SPMIP7: variants seen among roughly 807,000 people sequenced by gnomAD.
SPMIP7 encodes protein SPMIP7.
chr7:50,131,718 G>A, the SPMIP7 span, among the ~76,000 whole-genome samples: 3 of 152,160 alleles, frequency 2.0e-5, no homozygotes, highest in East Asian at 5.8e-4. Flanking sequence ...GAAGAGTAGT[G>A]ATTGCCTATT....
At chr7:50,126,359 T>C in the SPMIP7 span, among the ~76,000 whole-genome samples, 1 of 150,556 alleles carries the variant, frequency 6.6e-6, no homozygotes, top group African/African-American at 2.4e-5. Context: ...AAATAGAATA[T>C]GATAAATGCA....
chr7:50,097,280 G>A, the SPMIP7 span, among the ~76,000 whole-genome samples: 1 of 152,200 alleles, frequency 6.6e-6, no homozygotes, highest in Non-Finnish European at 1.5e-5. Flanking sequence ...TGTCTGGCAG[G>A]CAGGAATGTA....
chr7:50,127,674 T>C, the SPMIP7 span, among the ~76,000 whole-genome samples: 1 of 150,284 alleles, frequency 6.7e-6, no homozygotes, highest in African/African-American at 2.4e-5. Context: ...TAGACATTTT[T>C]CAGAATAAGA....
At chr7:50,105,952 G>A in the SPMIP7 span, among the ~76,000 whole-genome samples, 1 of 152,238 alleles carries the variant, frequency 6.6e-6, no homozygotes, top group South Asian at 2.1e-4. Flanking sequence ...CAAATTTATG[G>A]CAAGATTCCA....
At chr7:50,130,325 G>A in the SPMIP7 span, among the ~76,000 whole-genome samples, 1 of 152,098 alleles carries the variant, frequency 6.6e-6, no homozygotes, top group Non-Finnish European at 1.5e-5. Context: ...CATGGCAGAA[G>A]GCAAGGAGGA....
the SPMIP7 span, among the ~76,000 whole-genome samples, chr7:50,137,670 G>T: frequency 6.6e-6 from 1 of 151,932 alleles, no homozygotes; most frequent in Non-Finnish European, 1.5e-5. Flanking sequence ...CACAGCCAGT[G>T]TTTAGAATTT....
chr7:50,141,214 T>C, the SPMIP7 span: 1 of 1,048,316 alleles, frequency 9.5e-7, no homozygotes, highest in Non-Finnish European at 1.4e-6. Flanking sequence ...GTTAGAATAC[T>C]GTTCAATGGT....
the SPMIP7 span, among the ~76,000 whole-genome samples, chr7:50,135,600 A>C: frequency 2.0e-5 from 3 of 152,214 alleles, no homozygotes; most frequent in South Asian, 4.1e-4. Flanking sequence ...AAGGATCTCT[A>C]AACTACTTTA....
the SPMIP7 span, among the ~76,000 whole-genome samples, chr7:50,100,591 T>A: frequency 1.3e-5 from 2 of 152,052 alleles, no homozygotes; most frequent in Admixed American, 1.3e-4. Flanking sequence ...GGCAGGTGGA[T>A]CATGAGGTCA....
chr7:50,149,357 A>G, the SPMIP7 span, among the ~76,000 whole-genome samples: 1 of 152,184 alleles, frequency 6.6e-6, no homozygotes, highest in African/African-American at 2.4e-5. Flanking sequence ...TTAGTTTAGC[A>G]TCTATTAAGT....
chr7:50,144,220 A>G, the SPMIP7 span, among the ~76,000 whole-genome samples: 1 of 152,198 alleles, frequency 6.6e-6, no homozygotes, highest in Non-Finnish European at 1.5e-5. Flanking sequence ...CTTTTTTCCA[A>G]AAGTGTTCAT....
chr7:50,100,444 T>C, the SPMIP7 span, among the ~76,000 whole-genome samples: 4 of 152,230 alleles, frequency 2.6e-5, no homozygotes, highest in South Asian at 2.1e-4. Flanking sequence ...AGTTTATTAA[T>C]TGGGGAGAGG....
chr7:50,155,154 C>T, the SPMIP7 span, among the ~76,000 whole-genome samples: 11 of 152,166 alleles, frequency 7.2e-5, no homozygotes, highest in African/African-American at 2.7e-4. Context: ...TTTCATCTTG[C>T]TGATTGTTTC....
At chr7:50,109,581 G>C in the SPMIP7 span, among the ~76,000 whole-genome samples, 25 of 152,158 alleles carry the variant, frequency 1.6e-4, no homozygotes, top group Non-Finnish European at 5.9e-5. Context: ...CACCATGTTG[G>C]CCTGGTTGTT....
the SPMIP7 span, chr7:50,140,088 G>A: frequency 9.1e-5 from 109 of 1,199,444 alleles, no homozygotes; most frequent in South Asian, 2.1e-4. Context: ...ATAATTTGAT[G>A]TTTATTAACT....
chr7:50,101,405 T>C, the SPMIP7 span, among the ~76,000 whole-genome samples: 2 of 152,222 alleles, frequency 1.3e-5, no homozygotes, highest in African/African-American at 4.8e-5. Context: ...GAGGCCTTTT[T>C]TGAACCTTTG....
chr7:50,111,291 T>G, the SPMIP7 span, among the ~76,000 whole-genome samples: 1 of 151,568 alleles, frequency 6.6e-6, no homozygotes, highest in Non-Finnish European at 1.5e-5. Context: ...CTGGAGAAAA[T>G]GGGTTCCTGC....
At chr7:50,108,931 C>A in the SPMIP7 span, among the ~76,000 whole-genome samples, 1 of 152,134 alleles carries the variant, frequency 6.6e-6, no homozygotes, top group Admixed American at 6.6e-5. Flanking sequence ...GTACAAAACA[C>A]GTCTTAGCAC....
chr7:50,110,525 A>G, the SPMIP7 span, among the ~76,000 whole-genome samples: 1 of 144,976 alleles, frequency 6.9e-6, no homozygotes, highest in Non-Finnish European at 1.5e-5. Flanking sequence ...TTGATACATT[A>G]TATTTATATA....
Sources: gnomAD v4.1 joint callset for allele counts (sites outside exome capture counted in the v4.1 genomes callset) on GRCh38, gnomAD v4.1.1 for gene constraint, MANE v1.5 for transcripts, NCBI Gene and HGNC (gene_info 2026-07-23, HGNC 2026-07-21) for gene names.